DPH6: variants seen among roughly 807,000 people sequenced by gnomAD.
DPH6 encodes the protein diphthamine biosynthesis 6.
Under a neutral mutation model 38.2 loss-of-function variants are expected in DPH6, and 33 were observed. The observed-to-expected ratio is 0.86, with a 90% CI of 0.65 to 1.15. DPH6 has a LOEUF of 1.15. Among genes scored for constraint, DPH6 ranks in the 50% most tolerant of loss-of-function variants. DPH6 has a pLI of 0.00. For synonymous variants in DPH6, 108 were observed against 103.0 expected, an observed-to-expected ratio of 1.05 and a Z score of -0.30; for missense variants, 325 against 320.0, an observed-to-expected ratio of 1.02 and a Z score of -0.12.
chr15:35,420,310 G>A (rs2053488249), intron 5 of DPH6, among the ~76,000 whole-genome samples: 1 of 152,022 alleles, frequency 6.6e-6, no homozygotes, highest in African/African-American at 2.4e-5. Context: ...GTTCTAAGAG[G>A]GAAGTTTGTA....
intron 5 of DPH6, among the ~76,000 whole-genome samples, chr15:35,412,555 AT>A: frequency 6.6e-6 from 1 of 151,856 alleles, no homozygotes; most frequent in South Asian, 2.1e-4. Flanking sequence ...TTTATTCATA[AT>A]TGTCAAAATC....
chr15:35,158,126 T>C, the DPH6 span, among the ~76,000 whole-genome samples: 4 of 152,150 alleles, frequency 2.6e-5, no homozygotes, highest in African/African-American at 9.7e-5. Context: ...GATGCCTTCC[T>C]GTCTTCCACG....
chr15:35,153,999 T>C, the DPH6 span, among the ~76,000 whole-genome samples: 1 of 152,134 alleles, frequency 6.6e-6, no homozygotes, highest in Non-Finnish European at 1.5e-5. Context: ...ACTTGAGTGG[T>C]TCATCTTACC....
chr15:35,230,336 C>A (rs552523042), intron 3 of DPH6, among the ~76,000 whole-genome samples: 1 of 152,190 alleles, frequency 6.6e-6, no homozygotes, highest in Non-Finnish European at 1.5e-5. Context: ...GCCAGACTAC[C>A]ACCAATGTTC....
chr15:35,354,525 T>C (rs890495188), intron 3 of DPH6, among the ~76,000 whole-genome samples: 2 of 152,230 alleles, frequency 1.3e-5, no homozygotes, highest in African/African-American at 2.4e-5. Flanking sequence ...TTTTTCTGCA[T>C]CTATTGAGAT....
chr15:35,302,869 C>CA lies in DPH6; in HGVS notation n.200+70651dup, dbSNP rs779834796. On this transcript the variant is annotated intron_variant and non_coding_transcript_variant, in intron 3 of 3. Coordinates refer to the DPH6 transcript ENST00000560386. ...AACTTGAATAGGGTCTTCTTATATA[C>CA]AAATCAGTTTGCAGATTTGTGTGGA... is the stretch of plus-strand genomic sequence containing the variant. Among the ~76,000 whole-genome samples the CA allele has an allele frequency of 1.3e-4, 19 of 151,636 alleles. 4 individuals carry two copies. Among genetic ancestry groups the CA allele is most frequent in the Admixed American group, 2.0e-4 (3 of 15,234 alleles).
intron 4 of DPH6, among the ~76,000 whole-genome samples, chr15:35,451,954 A>G (rs150715644): frequency 0.043 from 6,490 of 152,222 alleles, 153 homozygotes; most frequent in East Asian, 0.094. Context: ...AGCTTGCCGT[A>G]AGCCGAGATT....
downstream of DPH6, among the ~76,000 whole-genome samples, chr15:35,369,260 T>C (rs1480316680): frequency 6.6e-6 from 1 of 151,766 alleles, no homozygotes; most frequent in Non-Finnish European, 1.5e-5. Flanking sequence ...ATAAAGCAAA[T>C]GAAAACTGAT....
At chr15:35,296,268 A>C (rs947281706) in intron 3 of DPH6, among the ~76,000 whole-genome samples, 6 of 152,102 alleles carry the variant, frequency 3.9e-5, no homozygotes, top group African/African-American at 1.4e-4. Flanking sequence ...AAGTTTTTGA[A>C]ACACTGGTTG....
chr15:35,496,090 G>C (rs578241217), intron 3 of DPH6, among the ~76,000 whole-genome samples: 1 of 152,146 alleles, frequency 6.6e-6, no homozygotes. Context: ...GCTTCTAAAA[G>C]ATAGTACAGG....
chr15:35,296,396 T>C (rs2140793215), intron 3 of DPH6, among the ~76,000 whole-genome samples: 1 of 152,338 alleles, frequency 6.6e-6, no homozygotes, highest in South Asian at 2.1e-4. Context: ...CGTCTAAAAT[T>C]TTTATATCTC....
intron 3 of DPH6, among the ~76,000 whole-genome samples, chr15:35,337,503 T>G (rs2052383038): frequency 6.6e-6 from 1 of 152,142 alleles, no homozygotes; most frequent in Non-Finnish European, 1.5e-5. Context: ...CAAGGAGAAC[T>G]ACAAACCTCT....
At chr15:35,401,983 T>C (rs956539423) in intron 6 of DPH6, among the ~76,000 whole-genome samples, 33 of 152,310 alleles carry the variant, frequency 2.2e-4, no homozygotes, top group African/African-American at 7.7e-4. Context: ...CATTTTAGTT[T>C]CTCTTCTGTG....
chr15:35,377,852 T>C (rs2052802121), intron 7 of DPH6, among the ~76,000 whole-genome samples: 1 of 152,060 alleles, frequency 6.6e-6, no homozygotes, highest in Non-Finnish European at 1.5e-5. Flanking sequence ...TATTTATCAT[T>C]TTTTATTATT....
At chr15:35,516,197 C>T (rs985697069) in intron 3 of DPH6, among the ~76,000 whole-genome samples, 1 of 152,086 alleles carries the variant, frequency 6.6e-6, no homozygotes, top group African/African-American at 2.4e-5. Context: ...CCACACAATA[C>T]CCCTAAAGAG....
chr15:35,382,929 T>C (rs2140941531), intron 6 of DPH6, among the ~76,000 whole-genome samples: 1 of 152,126 alleles, frequency 6.6e-6, no homozygotes, highest in South Asian at 2.1e-4. Flanking sequence ...ATTTAAATAG[T>C]CTTGATATTG....
chr15:35,410,820 A>T lies in DPH6; in HGVS notation c.567+15T>A. The T allele has an allele frequency of 1.3e-6, 2 of 1,581,820 alleles. No individual in the cohort carries two copies. Among genetic ancestry groups the T allele is most frequent in the Non-Finnish European group, 8.6e-7 (1 of 1,166,076 alleles). The stretch of plus-strand genomic sequence containing the variant: ...TTTAGATGGCTACATTTTGAGATCT[A>T]GTATAAATTCTTACCTCTATGAGAT... On this transcript the variant is annotated intron_variant, in intron 6 of 8. Coordinates refer to ENST00000256538, the MANE Select transcript of DPH6 (RefSeq NM_080650.4).
chr15:35,435,631 C>T (rs1413782198), intron 5 of DPH6, among the ~76,000 whole-genome samples: 1 of 152,128 alleles, frequency 6.6e-6, no homozygotes, highest in Non-Finnish European at 1.5e-5. Flanking sequence ...TGAGAGCATT[C>T]TTTTTGCCTA....
chr15:35,269,720 A>G (rs1356133385), intron 3 of DPH6, among the ~76,000 whole-genome samples: 1 of 147,636 alleles, frequency 6.8e-6, no homozygotes, highest in Non-Finnish European at 1.5e-5. Context: ...TTACAGGCGC[A>G]GCCACCGCGC....
Sources: gnomAD v4.1 joint callset for allele counts (sites outside exome capture counted in the v4.1 genomes callset) on GRCh38, gnomAD v4.1.1 for gene constraint, MANE v1.5 for transcripts, NCBI Gene and HGNC (gene_info 2026-07-23, HGNC 2026-07-21) for gene names.